Variants in EIF2S2 observed in about 807,000 individuals in gnomAD.
EIF2S2 encodes the protein eukaryotic translation initiation factor 2 subunit 2.
Under a neutral mutation model 44.0 loss-of-function variants are expected in EIF2S2, and 4 were observed. That is an observed-to-expected ratio of 0.09 (90% CI 0.04 to 0.21). The LOEUF (loss-of-function observed/expected upper bound fraction) is 0.21. Among genes scored for constraint, EIF2S2 ranks in the 10% least tolerant of loss-of-function variants. The probability of loss-of-function intolerance (pLI) is 1.00; values close to 1 mark genes in which losing one functional copy is unlikely to be tolerated. For missense variants in EIF2S2, 154 were observed against 392.0 expected (o/e 0.39, Z 5.13); for synonymous variants, 108 against 128.3 (o/e 0.84, Z 1.07).
chr20:34,103,374 T>C (rs1036079647), intron 3 of EIF2S2, 88 bp downstream of exon 3: 43 of 1,444,796 alleles, frequency 3.0e-5, no homozygotes, highest in Non-Finnish European at 9.2e-6. Flanking sequence ...GCAAAGCTAG[T>C]AAGAGATGAG....
At chr20:34,106,424 G>T (rs2034350281) in intron 1 of EIF2S2, among the ~76,000 whole-genome samples, 1 of 113,330 alleles carries the variant, frequency 8.8e-6, no homozygotes, top group Admixed American at 9.9e-5. Context: ...AACATTAAAG[G>T]TTCTTTTTTT....
At chr20:34,110,024 C>A (rs967079654) in intron 1 of EIF2S2, among the ~76,000 whole-genome samples, 1 of 150,930 alleles carries the variant, frequency 6.6e-6, no homozygotes, top group African/African-American at 2.4e-5. Flanking sequence ...TTGCTTGAAC[C>A]CAGGAGGCGG....
chr20:34,093,871 A>G, intron 6 of EIF2S2, 140 bp from the exon 7 acceptor site: 2 of 743,172 alleles, frequency 2.7e-6, no homozygotes, highest in Non-Finnish European at 4.3e-6. Context: ...AAACTTTGAA[A>G]TAAAGATACA....
chr20:34,098,733 G>A (rs2034261821), intron 3 of EIF2S2, 100 bp from the exon 4 acceptor site: 8 of 1,384,050 alleles, frequency 5.8e-6, no homozygotes, highest in Non-Finnish European at 6.8e-6. Flanking sequence ...TTGCTTTGTT[G>A]CTCAGGCTAG....
chr20:34,091,776 T>TTTG (rs4012181), intron 7 of EIF2S2, among the ~76,000 whole-genome samples: 38,868 of 95,360 alleles, frequency 0.41, 10,366 homozygotes, highest in East Asian at 0.65. Context: ...TTTATTTTTT[T>TTTG]GGGGGGGGGG....
At chr20:34,099,493 T>A (rs2034271677) in intron 3 of EIF2S2, among the ~76,000 whole-genome samples, 1 of 152,168 alleles carries the variant, frequency 6.6e-6, no homozygotes, top group South Asian at 2.1e-4. Context: ...TGGGAAAGAT[T>A]TTTCCGGGTG....
intron 3 of EIF2S2, among the ~76,000 whole-genome samples, chr20:34,100,286 ATTAT>A (rs2034280600): frequency 6.6e-6 from 1 of 152,150 alleles, no homozygotes; most frequent in Admixed American, 6.5e-5. Context: ...AAGTGCTGGG[ATTAT>A]AGGTGTGAGC....
In EIF2S2 at chr20:34,109,634, T is replaced by C. The variant is rs181996206; in HGVS notation, c.15+2462A>G. On this transcript the variant is annotated intron_variant, in intron 1 of 8. Transcript: ENST00000374980. ...ATGATTGTGCCACCGCACTCCAGCC[T>C]GGGAAACAAGAGCGAGACCCTGTCT... Among the ~76,000 whole-genome samples the C allele has an allele frequency of 3.0e-3, 462 of 151,848 alleles. 2 individuals carry two copies. The highest frequency in any genetic ancestry group is 5.0e-3 in the Non-Finnish European group (338 of 67,944).
chr20:34,102,973 C>G (rs1208433060), intron 3 of EIF2S2, among the ~76,000 whole-genome samples: 1 of 152,168 alleles, frequency 6.6e-6, no homozygotes, highest in Non-Finnish European at 1.5e-5. Context: ...CAAGTATCCA[C>G]AAGATCAGAG....
intron 7 of EIF2S2, among the ~76,000 whole-genome samples, chr20:34,092,681 A>G (rs2034180789): frequency 6.6e-6 from 1 of 152,100 alleles, no homozygotes; most frequent in Non-Finnish European, 1.5e-5. Context: ...AAACAAAACA[A>G]AACAACAAAA....
At chr20:34,101,839 T>C (rs2034299330) in intron 3 of EIF2S2, among the ~76,000 whole-genome samples, 1 of 151,990 alleles carries the variant, frequency 6.6e-6, no homozygotes, top group Non-Finnish European at 1.5e-5. Context: ...CACACCCAGC[T>C]AATTTTTGTA....
intron 3 of EIF2S2, among the ~76,000 whole-genome samples, chr20:34,100,695 G>C (rs2034285680): frequency 6.6e-6 from 1 of 152,098 alleles, no homozygotes; most frequent in Non-Finnish European, 1.5e-5. Context: ...TCTGTGGCGT[G>C]GTCTTTGGGC....
At chr20:34,094,170 A>G (rs2034200640) in intron 6 of EIF2S2, among the ~76,000 whole-genome samples, 1 of 152,228 alleles carries the variant, frequency 6.6e-6, no homozygotes, top group Non-Finnish European at 1.5e-5. Flanking sequence ...AGGATTACAG[A>G]TGTGAACTGA....
chr20:34,091,237 T>C (rs2034158760), intron 7 of EIF2S2, among the ~76,000 whole-genome samples: 1 of 152,154 alleles, frequency 6.6e-6, no homozygotes, highest in Admixed American at 6.5e-5. Flanking sequence ...CATCATACCA[T>C]GTACAAAGCA....
chr20:34,112,145 A>T lies in EIF2S2; in HGVS notation c.-35T>A, dbSNP rs755225264. ...TCGAGTGGGCTCGGCACGGACGGGA[A>T]GTCAGACGGGTCAGCCCCAGGCCCC... On this transcript the variant is annotated 5_prime_UTR_variant, in exon 1 of 9. Coordinates refer to ENST00000374980, the MANE Select transcript of EIF2S2 (RefSeq NM_003908.5). The T allele has an allele frequency of 9.8e-6, 15 of 1,538,214 alleles. No homozygotes were observed. Among genetic ancestry groups the T allele is most frequent in the Non-Finnish European group, 1.8e-6 (2 of 1,139,188 alleles).
At chr20:34,100,531 C>G (rs1022600193) in intron 3 of EIF2S2, among the ~76,000 whole-genome samples, 1 of 152,166 alleles carries the variant, frequency 6.6e-6, no homozygotes, top group African/African-American at 2.4e-5. Context: ...ACATCCTGAA[C>G]TGGGACAATG....
At chr20:34,095,172 G>A (rs948015295) in intron 6 of EIF2S2, among the ~76,000 whole-genome samples, 8 of 152,134 alleles carry the variant, frequency 5.3e-5, no homozygotes, top group Non-Finnish European at 1.2e-4. Flanking sequence ...CACTTACTCA[G>A]ACTAATGACA....
At chr20:34,092,446 G>C in intron 7 of EIF2S2, among the ~76,000 whole-genome samples, 1 of 152,180 alleles carries the variant, frequency 6.6e-6, no homozygotes, top group East Asian at 1.9e-4. Flanking sequence ...CAAGGCAGGC[G>C]GATCACAAGG....
intron 7 of EIF2S2, among the ~76,000 whole-genome samples, chr20:34,091,254 A>G (rs1383644999): frequency 6.6e-6 from 1 of 152,232 alleles, no homozygotes; most frequent in Admixed American, 6.5e-5. Context: ...AGCAAGGCAA[A>G]GGAGAGACCT....
Sources: gnomAD v4.1 joint callset for allele counts (sites outside exome capture counted in the v4.1 genomes callset) on GRCh38, gnomAD v4.1.1 for gene constraint, MANE v1.5 for transcripts, NCBI Gene and HGNC (gene_info 2026-07-23, HGNC 2026-07-21) for gene names.